Variants in COP1 observed in about 807,000 individuals in gnomAD.
The protein encoded by COP1 is COP1 E3 ubiquitin ligase.
A neutral mutation model predicts 101.3 loss-of-function variants in COP1; 24 were observed. That is an observed-to-expected ratio of 0.24 (90% CI 0.17 to 0.33). COP1 has a LOEUF of 0.33. Ranked by LOEUF, COP1 falls within the 10% of genes least tolerant of loss-of-function variation. The probability of loss-of-function intolerance (pLI) is 1.00; values close to 1 mark genes in which losing one functional copy is unlikely to be tolerated. For synonymous variants in COP1, 347 were observed against 341.9 expected (o/e 1.01, Z -0.17); for missense variants, 663 against 906.2 (o/e 0.73, Z 3.45).
intron 14 of COP1, among the ~76,000 whole-genome samples, chr1:176,035,140 G>A (rs575453129): frequency 2.0e-5 from 3 of 152,120 alleles, no homozygotes; most frequent in Admixed American, 6.5e-5. Context: ...TGGATCCCAA[G>A]ACATTAAATG....
intron 8 of COP1, among the ~76,000 whole-genome samples, chr1:176,125,389 A>C (rs768879232): frequency 1.2e-4 from 18 of 152,156 alleles, no homozygotes; most frequent in Non-Finnish European, 2.5e-4. Flanking sequence ...TTAAGTCTTT[A>C]ATCCACTTTG....
intron 11 of COP1, among the ~76,000 whole-genome samples, chr1:176,058,754 TAA>T (rs1171809329): frequency 1.9e-4 from 17 of 88,278 alleles, no homozygotes; most frequent in Admixed American, 1.1e-4. Flanking sequence ...GAATGATCAA[TAA>T]AAAAAAAAAA....
chr1:176,096,228 C>T (rs1294271044), intron 9 of COP1, among the ~76,000 whole-genome samples: 1 of 152,176 alleles, frequency 6.6e-6, no homozygotes, highest in African/African-American at 2.4e-5. Context: ...AAACCTCTCA[C>T]TTTCGCTTCT....
chr1:176,141,030 T>C (rs1690594003), intron 6 of COP1, among the ~76,000 whole-genome samples: 1 of 152,188 alleles, frequency 6.6e-6, no homozygotes, highest in Non-Finnish European at 1.5e-5. Flanking sequence ...ATGGATTTGG[T>C]GCAGGTAGGT....
chr1:176,163,274 A>C (rs1414350190), intron 4 of COP1, among the ~76,000 whole-genome samples: 2 of 152,174 alleles, frequency 1.3e-5, no homozygotes, highest in African/African-American at 4.8e-5. Flanking sequence ...GAATTTAATT[A>C]TTTGTCTAGC....
At chr1:175,982,271 G>T (rs1202920515) in intron 18 of COP1, 2 of 436,478 alleles carry the variant, frequency 4.6e-6, no homozygotes, top group Admixed American at 2.5e-5. Flanking sequence ...GCAAAGATAT[G>T]AAATCAACCT....
intron 14 of COP1, among the ~76,000 whole-genome samples, chr1:176,033,403 G>C (rs942417795): frequency 3.9e-5 from 6 of 151,904 alleles, no homozygotes; most frequent in Non-Finnish European, 8.8e-5. Flanking sequence ...CTCCAGCCTG[G>C]GCAACAAGAG....
intron 12 of COP1, 119 bp from the exon 13 acceptor site, chr1:176,043,937 A>G: frequency 1.5e-6 from 1 of 650,352 alleles, no homozygotes; most frequent in East Asian, 2.7e-5. Context: ...TCAGTTCACA[A>G]TCATTATTCT....
intron 1 of COP1, among the ~76,000 whole-genome samples, chr1:176,186,160 A>C (rs752317850): frequency 2.0e-5 from 3 of 152,096 alleles, no homozygotes; most frequent in Non-Finnish European, 4.4e-5. Flanking sequence ...AATTCACTGA[A>C]TATGTCAGGA....
intron 8 of COP1, among the ~76,000 whole-genome samples, chr1:176,132,583 TAC>T (rs950494985): frequency 7.1e-6 from 1 of 141,516 alleles, no homozygotes; most frequent in Non-Finnish European, 1.5e-5. Flanking sequence ...ATACTATATA[TAC>T]ACACATATAC....
intron 15 of COP1, among the ~76,000 whole-genome samples, chr1:176,026,168 C>T (rs1667625349): frequency 6.6e-6 from 1 of 151,970 alleles, no homozygotes; most frequent in East Asian, 1.9e-4. Flanking sequence ...AAAGTAGGTT[C>T]CTATTTTCCA....
chr1:176,022,254 C>G (rs560240501), intron 15 of COP1, among the ~76,000 whole-genome samples: 1 of 152,178 alleles, frequency 6.6e-6, no homozygotes, highest in Non-Finnish European at 1.5e-5. Flanking sequence ...CTAAGCAAGA[C>G]AGACAGGGAA....
At chr1:176,049,741 C>T (rs186756055) in intron 11 of COP1, among the ~76,000 whole-genome samples, 11 of 152,190 alleles carry the variant, frequency 7.2e-5, no homozygotes, top group Admixed American at 3.3e-4. Context: ...CATGAACTAA[C>T]TGAAATGAAC....
At chr1:176,082,315 G>A (rs185730956) in intron 10 of COP1, among the ~76,000 whole-genome samples, 2 of 152,210 alleles carry the variant, frequency 1.3e-5, no homozygotes, top group Admixed American at 6.5e-5. Flanking sequence ...CAAGGTAAAT[G>A]TTCATGATTT....
intron 14 of COP1, among the ~76,000 whole-genome samples, chr1:176,037,169 G>T (rs944510868): frequency 6.6e-6 from 1 of 152,148 alleles, no homozygotes; most frequent in Non-Finnish European, 1.5e-5. Context: ...TTGGGAGGCC[G>T]AGGCAGGCGG....
At chr1:176,133,383 T>C (rs1689269624) in intron 8 of COP1, among the ~76,000 whole-genome samples, 1 of 151,892 alleles carries the variant, frequency 6.6e-6, no homozygotes. Context: ...GTGTCATATA[T>C]TAGGTCTCTT....
chr1:176,012,841 T>A (rs1394708694), intron 15 of COP1, among the ~76,000 whole-genome samples: 1 of 152,190 alleles, frequency 6.6e-6, no homozygotes, highest in Non-Finnish European at 1.5e-5. Context: ...ATGCAGTAGG[T>A]TTGTGTAAGT....
intron 9 of COP1, among the ~76,000 whole-genome samples, chr1:176,102,045 A>T (rs775306449): frequency 8.5e-5 from 13 of 152,110 alleles, no homozygotes; most frequent in Non-Finnish European, 1.6e-4. Flanking sequence ...CAGACTGCCC[A>T]TCCTGGATGA....
chr1:175,992,538 C>G (rs1002850347), intron 15 of COP1, among the ~76,000 whole-genome samples: 2 of 152,208 alleles, frequency 1.3e-5, no homozygotes, highest in Non-Finnish European at 2.9e-5. Flanking sequence ...GGGTCACTCC[C>G]ACCCTAATAC....
Sources: allele counts gnomAD v4.1 joint callset (sites outside exome capture counted in the v4.1 genomes callset), GRCh38; gene constraint gnomAD v4.1.1; transcripts MANE v1.5; gene names NCBI Gene and HGNC (gene_info 2026-07-23, HGNC 2026-07-21).